The following CPA6 variants were observed in gnomAD, a reference collection of about 807,000 sequenced individuals.
CPA6 encodes carboxypeptidase B.
In CPA6, 58 loss-of-function variants were observed where a neutral mutation model predicts 63.3. That is an observed-to-expected ratio of 0.92 (90% CI 0.74 to 1.14). CPA6 has a LOEUF of 1.14. CPA6 is among the 50% of genes most tolerant of loss of function. The pLI is 0.00. For missense variants in CPA6, 565 were observed against 526.6 expected (o/e 1.07, Z -0.71); for synonymous variants, 185 against 179.0 (o/e 1.03, Z -0.27).
At chr8:67,671,377 C>T (rs1009886223) in intron 1 of CPA6, among the ~76,000 whole-genome samples, 2 of 152,200 alleles carry the variant, frequency 1.3e-5, no homozygotes, top group African/African-American at 2.4e-5. Flanking sequence ...GCAGCCCACT[C>T]AGCAGGAGTG....
intron 2 of CPA6, among the ~76,000 whole-genome samples, chr8:67,542,436 AT>A (rs1812726498): frequency 6.6e-6 from 1 of 152,170 alleles, no homozygotes; most frequent in Admixed American, 6.5e-5. Flanking sequence ...AAATTCACTT[AT>A]TTGGCTGCAG....
chr8:67,492,735 G>A (rs1811633588), intron 6 of CPA6, among the ~76,000 whole-genome samples: 1 of 152,124 alleles, frequency 6.6e-6, no homozygotes, highest in Non-Finnish European at 1.5e-5. Context: ...TGGAAAGCAA[G>A]CATTGTCTGT....
chr8:67,582,245 A>G (rs566521971), intron 2 of CPA6, among the ~76,000 whole-genome samples: 3 of 152,306 alleles, frequency 2.0e-5, no homozygotes, highest in East Asian at 1.9e-4. Flanking sequence ...GCACAAGGTC[A>G]GTTCCAATAT....
chr8:67,660,738 A>G (rs1234208786), intron 1 of CPA6, among the ~76,000 whole-genome samples: 2 of 152,016 alleles, frequency 1.3e-5, no homozygotes, highest in African/African-American at 2.4e-5. Flanking sequence ...TATTCATATC[A>G]CTGAGTAATT....
At chr8:67,640,125 G>A (rs978600570) in intron 1 of CPA6, among the ~76,000 whole-genome samples, 1 of 151,314 alleles carries the variant, frequency 6.6e-6, no homozygotes, top group African/African-American at 2.5e-5. Context: ...GGTGGGCGTG[G>A]AAAAGGCACC....
chr8:67,564,607 C>T (rs1019237840), intron 2 of CPA6, among the ~76,000 whole-genome samples: 1 of 152,094 alleles, frequency 6.6e-6, no homozygotes, highest in African/African-American at 2.4e-5. Flanking sequence ...TTGTAGCTGT[C>T]ATACCAGTAA....
intron 8 of CPA6, among the ~76,000 whole-genome samples, chr8:67,449,424 A>G (rs1426711280): frequency 2.6e-5 from 4 of 152,194 alleles, no homozygotes; most frequent in Admixed American, 1.3e-4. Context: ...TTACAGTTTT[A>G]TCAGCTTTTT....
intron 2 of CPA6, among the ~76,000 whole-genome samples, chr8:67,592,012 TG>T (rs1465734505): frequency 4.6e-5 from 7 of 152,212 alleles, no homozygotes; most frequent in African/African-American, 1.7e-4. Flanking sequence ...AGTATGATAT[TG>T]GCTGTGGGTT....
At chr8:67,597,443 C>A (rs144993974) in intron 2 of CPA6, among the ~76,000 whole-genome samples, 1 of 152,158 alleles carries the variant, frequency 6.6e-6, no homozygotes, top group African/African-American at 2.4e-5. Context: ...ATCTGCCTGC[C>A]TCGGCCTCCT....
chr8:67,741,270 G>T (rs1301189048), intron 1 of CPA6, among the ~76,000 whole-genome samples: 1 of 152,184 alleles, frequency 6.6e-6, no homozygotes, highest in African/African-American at 2.4e-5. Flanking sequence ...CCAAGAAGCA[G>T]CCATGATGGT....
At chr8:67,657,989 C>A (rs983441125) in intron 1 of CPA6, among the ~76,000 whole-genome samples, 1 of 152,200 alleles carries the variant, frequency 6.6e-6, no homozygotes, top group Non-Finnish European at 1.5e-5. Context: ...TCCTCTCCTG[C>A]CTTCCTCACC....
chr8:67,596,315 G>A (rs1424356359), intron 2 of CPA6, among the ~76,000 whole-genome samples: 3 of 152,068 alleles, frequency 2.0e-5, no homozygotes, highest in Non-Finnish European at 4.4e-5. Flanking sequence ...GGCATTTATT[G>A]TTGTACCTGT....
At chr8:67,666,221 C>A (rs960672913) in intron 1 of CPA6, among the ~76,000 whole-genome samples, 1 of 152,176 alleles carries the variant, frequency 6.6e-6, no homozygotes, top group Non-Finnish European at 1.5e-5. Context: ...ACTTCCACAC[C>A]TATTTTACTA....
chr8:67,717,211 C>A (rs1018781631), intron 1 of CPA6, among the ~76,000 whole-genome samples: 1 of 152,046 alleles, frequency 6.6e-6, no homozygotes, highest in South Asian at 2.1e-4. Flanking sequence ...CCAAGCACAC[C>A]GAGTTTGGAT....
intron 8 of CPA6, among the ~76,000 whole-genome samples, chr8:67,446,607 G>T (rs888555065): frequency 6.6e-6 from 1 of 152,148 alleles, no homozygotes; most frequent in South Asian, 2.1e-4. Context: ...GACAGCAACT[G>T]GTCCCTGTGG....
chr8:67,691,967 G>T (rs898118803), intron 1 of CPA6, among the ~76,000 whole-genome samples: 2 of 152,208 alleles, frequency 1.3e-5, no homozygotes, highest in African/African-American at 4.8e-5. Flanking sequence ...TATGAGCCAT[G>T]CTGGAGTTGT....
At chr8:67,699,406 C>T (rs1164634795) in intron 1 of CPA6, among the ~76,000 whole-genome samples, 1 of 151,850 alleles carries the variant, frequency 6.6e-6, no homozygotes, top group Admixed American at 6.6e-5. Context: ...GCACTCTAGT[C>T]TGGGTGACAG....
At chr8:67,537,212 A>G (rs146983784) in intron 2 of CPA6, among the ~76,000 whole-genome samples, 18 of 152,316 alleles carry the variant, frequency 1.2e-4, no homozygotes, top group African/African-American at 3.6e-4. Context: ...GGCCTCATAA[A>G]ATGAGTTAGA....
At chr8:67,593,700 C>A (rs1200964902) in intron 2 of CPA6, among the ~76,000 whole-genome samples, 43 of 151,292 alleles carry the variant, frequency 2.8e-4, no homozygotes, top group African/African-American at 8.7e-4. Flanking sequence ...AGAGACTAGG[C>A]TTGCAACCCC....
Sources: gnomAD v4.1 joint callset for allele counts (sites outside exome capture counted in the v4.1 genomes callset) on GRCh38, gnomAD v4.1.1 for gene constraint, MANE v1.5 for transcripts, NCBI Gene and HGNC (gene_info 2026-07-23, HGNC 2026-07-21) for gene names.